TARBP1: variants seen among roughly 807,000 people sequenced by gnomAD.
TARBP1 encodes tRNA (guanosine(18)-2'-O)-methyltransferase TARBP1.
In TARBP1, 144 loss-of-function variants were observed where a neutral mutation model predicts 178.6. The observed-to-expected ratio is 0.81, with a 90% confidence interval of 0.70 to 0.93. The LOEUF is 0.93. Among genes scored for constraint, TARBP1 ranks in the 40% least tolerant of loss-of-function variants. The pLI, the probability that TARBP1 is intolerant of heterozygous loss-of-function variation, is 0.00. For missense variants in TARBP1, 2,067 were observed against 2,011.7 expected (o/e 1.03, Z -0.53); for synonymous variants, 787 against 781.0 (o/e 1.01, Z -0.13).
At chr1:234,443,264 T>C (rs1486103378) in intron 12 of TARBP1, among the ~76,000 whole-genome samples, 1 of 145,460 alleles carries the variant, frequency 6.9e-6, no homozygotes, top group African/African-American at 2.6e-5. Context: ...CACTCCAGCC[T>C]GGGAAACAAG....
intron 4 of TARBP1, among the ~76,000 whole-genome samples, chr1:234,466,190 T>C (rs945335584): frequency 6.6e-6 from 1 of 152,188 alleles, no homozygotes; most frequent in Non-Finnish European, 1.5e-5. Context: ...CATATCAATA[T>C]ACCACAGCAT....
chr1:234,465,069 C>CGGATGGATGGAT (rs34607418), intron 5 of TARBP1, among the ~76,000 whole-genome samples: 1,783 of 150,766 alleles, frequency 0.012, 29 homozygotes, highest in East Asian at 0.086. Context: ...GATGGATGAA[C>CGGATGGATGGAT]GGATGGATGG....
intron 22 of TARBP1, among the ~76,000 whole-genome samples, chr1:234,414,130 C>T (rs935008886): frequency 6.6e-6 from 1 of 152,252 alleles, no homozygotes; most frequent in Non-Finnish European, 1.5e-5. Context: ...TACACAAAAA[C>T]ATGGCTTTGT....
chr1:234,398,097 A>G, intron 26 of TARBP1: 1 of 213,782 alleles, frequency 4.7e-6, no homozygotes, highest in Non-Finnish European at 9.2e-6. Flanking sequence ...TTAACGAACA[A>G]TACTACTTAA....
At chr1:234,411,494 G>T (rs1661816912) in intron 22 of TARBP1, among the ~76,000 whole-genome samples, 2 of 152,208 alleles carry the variant, frequency 1.3e-5, no homozygotes, top group African/African-American at 4.8e-5. Context: ...GAAGGAGCAG[G>T]AAGGTTAGAG....
At chr1:234,451,525 A>G in intron 9 of TARBP1, among the ~76,000 whole-genome samples, 1 of 34,500 alleles carries the variant, frequency 2.9e-5, no homozygotes, top group East Asian at 9.2e-4. Flanking sequence ...AGGCGGGCGG[A>G]TCACGAGGTC....
chr1:234,426,194 C>G (rs1283138801), intron 19 of TARBP1, among the ~76,000 whole-genome samples: 1 of 152,212 alleles, frequency 6.6e-6, no homozygotes, highest in Non-Finnish European at 1.5e-5. Flanking sequence ...CCTGTCTCTA[C>G]CATGCACTAT....
intron 26 of TARBP1, 93 bp from the exon 27 acceptor site, chr1:234,393,930 A>AATAATTTAGAATGAG (rs1189265448): frequency 1.0e-6 from 1 of 963,700 alleles, no homozygotes; most frequent in Non-Finnish European, 1.5e-6. Flanking sequence ...AAGAATGTGA[A>AATAATTTAGAATGAG]ATAATTTAGA....
chr1:234,459,941 T>C (rs926394388), intron 7 of TARBP1, among the ~76,000 whole-genome samples: 3 of 152,216 alleles, frequency 2.0e-5, no homozygotes, highest in Non-Finnish European at 2.9e-5. Flanking sequence ...TTAAATATTA[T>C]TGTTTGATAT....
At chr1:234,421,472 T>C (rs1663084748) in intron 20 of TARBP1, among the ~76,000 whole-genome samples, 1 of 152,124 alleles carries the variant, frequency 6.6e-6, no homozygotes, top group Admixed American at 6.5e-5. Flanking sequence ...ACTGGACATA[T>C]ATTGCCACAT....
At chr1:234,410,139 A>G (rs1342565245) in intron 23 of TARBP1, among the ~76,000 whole-genome samples, 7 of 152,222 alleles carry the variant, frequency 4.6e-5, no homozygotes, top group African/African-American at 1.7e-4. Flanking sequence ...AAAGAATCCT[A>G]AGTAATCCTA....
At chr1:234,457,352 C>T (rs995131976) in intron 9 of TARBP1, among the ~76,000 whole-genome samples, 2 of 152,186 alleles carry the variant, frequency 1.3e-5, no homozygotes, top group Non-Finnish European at 2.9e-5. Flanking sequence ...GTTTGTGTCA[C>T]TTACTGTGTT....
intron 12 of TARBP1, among the ~76,000 whole-genome samples, chr1:234,444,539 A>G (rs1665948948): frequency 6.6e-6 from 1 of 152,114 alleles, no homozygotes; most frequent in African/African-American, 2.4e-5. Context: ...CTGTGAATTC[A>G]CGATCGCAAC....
At chr1:234,405,805 A>T in intron 24 of TARBP1, 98 bp downstream of exon 24, 1 of 1,150,644 alleles carries the variant, frequency 8.7e-7, no homozygotes, top group South Asian at 1.5e-5. Context: ...CAGCATGAGG[A>T]TGTGGAAGGA....
rs1437752557 is a variant in TARBP1, at chr1:234,478,539, C to T, written c.565G>A (p.Ala189Thr). 2.2e-5 allele frequency: 30 copies of T among 1,361,974 alleles called. No homozygotes were observed. Among genetic ancestry groups the T allele is most frequent in the Non-Finnish European group, 2.7e-5 (29 of 1,054,792 alleles). 84.4% of individuals were successfully genotyped at this position (1,361,974 alleles called of 1,614,324 possible). The change falls in exon 1 of 30, where the codon GCG (alanine) becomes ACG (threonine). Residue 189 changes from alanine (A) to threonine (T), a missense_variant. Transcript: ENST00000040877. ...GGCAGCAGTCGCCCGGCCACCAGCG[C>T]CGCCGCGTCCTCGGCAGGCCCGGCC... ...DEAGPAEDAA[A>T]LVAGRLLPVL...
chr1:234,426,053 C>T (rs919870188), intron 19 of TARBP1, among the ~76,000 whole-genome samples: 4 of 152,236 alleles, frequency 2.6e-5, no homozygotes, highest in African/African-American at 9.6e-5. Context: ...AATGCACACG[C>T]TGCTGAACCT....
At chr1:234,464,847 A>T (rs1668265213) in intron 5 of TARBP1, among the ~76,000 whole-genome samples, 2 of 152,208 alleles carry the variant, frequency 1.3e-5, no homozygotes, top group South Asian at 4.1e-4. Flanking sequence ...CAAGAGTCAT[A>T]AATGATGCTC....
In TARBP1 at chr1:234,451,477, G is replaced by A. The variant is rs540092565; in HGVS notation, c.1723-911C>T. On this transcript the variant is annotated intron_variant, in intron 9 of 29. Coordinates refer to ENST00000040877, the MANE Select transcript of TARBP1 (RefSeq NM_005646.4). ...AAAACTGATGAATGGGCCGGGCGCG[G>A]TGGCTCACGCCTGTAATCCCAGCAC... Among the ~76,000 whole-genome samples the A allele has an allele frequency of 5.3e-4, 54 of 102,756 alleles. 14 individuals carry two copies. In the South Asian group the frequency reaches 0.013, roughly 24 times the overall value. 67.4% of individuals were successfully genotyped at this position (102,756 alleles called of 152,430 possible).
chr1:234,403,485 T>C (rs575931232), intron 24 of TARBP1, among the ~76,000 whole-genome samples: 1 of 152,338 alleles, frequency 6.6e-6, no homozygotes, highest in East Asian at 1.9e-4. Flanking sequence ...CATTTACTTT[T>C]CTGTGATTTA....
Sources: allele counts gnomAD v4.1 joint callset (sites outside exome capture counted in the v4.1 genomes callset), GRCh38; gene constraint gnomAD v4.1.1; transcripts MANE v1.5; gene names NCBI Gene and HGNC (gene_info 2026-07-23, HGNC 2026-07-21).